Variants in CCDC73 observed in about 807,000 individuals in gnomAD.
The protein encoded by CCDC73 is coiled-coil domain-containing protein 73.
In CCDC73, 95 loss-of-function variants were observed where a neutral mutation model predicts 116.5. That is an observed-to-expected ratio of 0.82 (90% CI 0.69 to 0.97). The LOEUF is 0.97. CCDC73 is among the 50% of genes least tolerant of loss of function. CCDC73 has a pLI of 0.00. For synonymous variants in CCDC73, 398 were observed against 401.3 expected (o/e 0.99, Z 0.10); for missense variants, 1,066 against 1,206.8 (o/e 0.88, Z 1.73).
chr11:32,783,032 CA>C (rs1850596786), intron 1 of CCDC73, among the ~76,000 whole-genome samples: 1 of 151,948 alleles, frequency 6.6e-6, no homozygotes, highest in African/African-American at 2.4e-5. Flanking sequence ...GTTTCTAAAT[CA>C]ATTTTCCCAG....
intron 9 of CCDC73, among the ~76,000 whole-genome samples, chr11:32,660,771 G>A (rs1855915997): frequency 6.6e-6 from 1 of 152,134 alleles, no homozygotes; most frequent in South Asian, 2.1e-4. Context: ...ACTGCAGTGA[G>A]TTGTGATATC....
At chr11:32,794,828 TTATA>T (rs1256044031), upstream of CCDC73, among the ~76,000 whole-genome samples, 2 of 151,992 alleles carry the variant, frequency 1.3e-5, no homozygotes, top group Non-Finnish European at 2.9e-5. Flanking sequence ...ATGTATTGGC[TTATA>T]TATTCTTTTT....
At chr11:32,827,407 A>G in the CCDC73 span, among the ~76,000 whole-genome samples, 1 of 152,218 alleles carries the variant, frequency 6.6e-6, no homozygotes, top group Non-Finnish European at 1.5e-5. Flanking sequence ...GTAATTCACT[A>G]CTGAGAAACA....
chr11:32,622,711 A>T (rs1855533893), intron 14 of CCDC73, among the ~76,000 whole-genome samples: 1 of 128,620 alleles, frequency 7.8e-6, no homozygotes. Context: ...TCTAGGACAC[A>T]GCTCACTTGG....
chr11:32,730,810 A>T (rs576344162), intron 2 of CCDC73, among the ~76,000 whole-genome samples: 2 of 152,220 alleles, frequency 1.3e-5, no homozygotes, highest in Non-Finnish European at 2.9e-5. Context: ...AAGAAGGACA[A>T]ATAGGAATAG....
In CCDC73 at chr11:32,677,239, T is replaced by C. The variant is rs7929766; in HGVS notation, c.430-1218A>G. 7.2e-3 allele frequency among the ~76,000 whole-genome samples: 1,089 copies of C among 152,290 alleles called. 15 individuals are homozygous for C. Among genetic ancestry groups the C allele is most frequent in the African/African-American group, 0.024 (977 of 41,556 alleles). On this transcript the variant is annotated intron_variant, in intron 7 of 17. Coordinates refer to ENST00000335185, the MANE Select transcript of CCDC73 (RefSeq NM_001008391.4). Reference sequence around the variant, plus strand: ...TTTGATTTTGCCTAGCCAGCATCCATTTCCCTTACCTAACAGCACCACTAT... The same window carrying C: ...TTTGATTTTGCCTAGCCAGCATCCACTTCCCTTACCTAACAGCACCACTAT...
intron 1 of CCDC73, among the ~76,000 whole-genome samples, chr11:32,788,026 T>C (rs577425826): frequency 6.6e-6 from 1 of 152,344 alleles, no homozygotes; most frequent in South Asian, 2.1e-4. Flanking sequence ...AGATTCTATC[T>C]TGTAGTAGCA....
intron 1 of CCDC73, among the ~76,000 whole-genome samples, chr11:32,774,954 A>C (rs902131532): frequency 5.3e-5 from 8 of 152,232 alleles, no homozygotes; most frequent in African/African-American, 1.9e-4. Flanking sequence ...GTCCACAGGA[A>C]GGTTTTAAGG....
At chr11:32,817,740 T>A in the CCDC73 span, among the ~76,000 whole-genome samples, 1 of 152,162 alleles carries the variant, frequency 6.6e-6, no homozygotes, top group African/African-American at 2.4e-5. Context: ...ATATTGCTAA[T>A]CTTATTTAAG....
intron 1 of CCDC73, among the ~76,000 whole-genome samples, chr11:32,762,744 G>A (rs1052204759): frequency 2.6e-5 from 4 of 152,142 alleles, no homozygotes; most frequent in Non-Finnish European, 5.9e-5. Context: ...TCATCTCACT[G>A]GGGCATGTCA....
intron 6 of CCDC73, among the ~76,000 whole-genome samples, chr11:32,689,135 G>A (rs185912770): frequency 6.6e-5 from 10 of 152,194 alleles, no homozygotes; most frequent in Admixed American, 3.3e-4. Flanking sequence ...TAGATCACTG[G>A]TCCAAAACCA....
the CCDC73 span, among the ~76,000 whole-genome samples, chr11:32,825,766 A>G: frequency 4.6e-5 from 7 of 152,324 alleles, no homozygotes; most frequent in Non-Finnish European, 1.0e-4. Flanking sequence ...GTTCACAAAA[A>G]AAAGGCCAAA....
At chr11:32,705,949 T>C (rs1849851728) in intron 3 of CCDC73, among the ~76,000 whole-genome samples, 1 of 150,886 alleles carries the variant, frequency 6.6e-6, no homozygotes, top group Admixed American at 6.6e-5. Flanking sequence ...TAATCAAAAA[T>C]ATTTTAATTC....
the CCDC73 span, among the ~76,000 whole-genome samples, chr11:32,829,462 A>G: frequency 6.6e-6 from 1 of 152,164 alleles, no homozygotes; most frequent in Non-Finnish European, 1.5e-5. Flanking sequence ...TGGAGAACCA[A>G]TGTAATCAAT....
chr11:32,757,039 C>T (rs182472208), intron 2 of CCDC73, among the ~76,000 whole-genome samples: 1 of 152,000 alleles, frequency 6.6e-6, no homozygotes, highest in Non-Finnish European at 1.5e-5. Context: ...CTGAAAATCC[C>T]TTAGGTATCC....
Position 32,613,496 on chromosome 11 carries a change from T to A in CCDC73, c.2822A>T (p.Glu941Val). ...AGCCATTGAAATGATCTTTTTGTTT[T>A]CTGATGGATCTAGTGGTCTCTCCTT... is the stretch of plus-strand genomic sequence containing the variant. ...LLKERPLDPS[E>V]NKKIISMALC... is the part of the protein sequence containing the mutation. The change falls in exon 16 of 18, where the codon GAA becomes GTA. Residue 941 changes from glutamate (E) to valine (V), a missense_variant. Coordinates refer to ENST00000335185, the MANE Select transcript of CCDC73 (RefSeq NM_001008391.4). The A allele has an allele frequency of 6.2e-7, 1 of 1,614,160 alleles. No individual in the cohort carries two copies.
At chr11:32,772,460 C>T (rs149606403) in intron 1 of CCDC73, among the ~76,000 whole-genome samples, 64 of 151,972 alleles carry the variant, frequency 4.2e-4, no homozygotes, top group African/African-American at 1.5e-3. Context: ...CTATTGAGGG[C>T]ATTTGGAGGA....
intron 2 of CCDC73, among the ~76,000 whole-genome samples, chr11:32,745,743 TG>T (rs538325806): frequency 0.15 from 11,884 of 79,132 alleles, 685 homozygotes; most frequent in South Asian, 0.21. Flanking sequence ...TTGTTTGTTT[TG>T]GTTTTTTTTT....
At chr11:32,690,897 A>G (rs570630379) in intron 6 of CCDC73, among the ~76,000 whole-genome samples, 4 of 152,174 alleles carry the variant, frequency 2.6e-5, no homozygotes, top group Non-Finnish European at 4.4e-5. Flanking sequence ...CTTACATTGG[A>G]ATTCACTCTT....
Sources: allele counts gnomAD v4.1 joint callset (sites outside exome capture counted in the v4.1 genomes callset), GRCh38; gene constraint gnomAD v4.1.1; transcripts MANE v1.5; gene names NCBI Gene and HGNC (gene_info 2026-07-23, HGNC 2026-07-21).